ODAD2: variants seen among roughly 807,000 people sequenced by gnomAD.
ODAD2 encodes outer dynein arm-docking complex subunit 2.
Under a neutral mutation model 106.8 loss-of-function variants are expected in ODAD2, and 89 were observed. That is an observed-to-expected ratio of 0.83 (90% confidence interval 0.70 to 0.99). The LOEUF (loss-of-function observed/expected upper bound fraction) is 0.99. ODAD2 is among the 50% of genes least tolerant of loss of function. The pLI, the probability that ODAD2 is intolerant of heterozygous loss-of-function variation, is 0.00. For synonymous variants in ODAD2, 404 were observed against 436.2 expected, an observed-to-expected ratio of 0.93 and a Z score of 0.92; for missense variants, 1,168 against 1,238.5, an observed-to-expected ratio of 0.94 and a Z score of 0.85.
At chr10:27,918,930 A>T (rs1221621311) in intron 16 of ODAD2, among the ~76,000 whole-genome samples, 1 of 151,784 alleles carries the variant, frequency 6.6e-6, no homozygotes, top group Non-Finnish European at 1.5e-5. Flanking sequence ...CTGGAAAAAA[A>T]TTAAAAATAA....
At chr10:27,990,514 A>G (rs1323349962) in intron 2 of ODAD2, among the ~76,000 whole-genome samples, 1 of 152,220 alleles carries the variant, frequency 6.6e-6, no homozygotes, top group Non-Finnish European at 1.5e-5. Context: ...GTATGTCTAA[A>G]TAGTAACATA....
chr10:27,998,438 G>C (rs747916255), intron 1 of ODAD2, among the ~76,000 whole-genome samples: 2 of 151,986 alleles, frequency 1.3e-5, no homozygotes, highest in Non-Finnish European at 2.9e-5. Flanking sequence ...CGCTGGGAGC[G>C]GGAGGCAGAG....
At chr10:27,858,413 C>A (rs1839808000) in intron 19 of ODAD2, among the ~76,000 whole-genome samples, 1 of 152,102 alleles carries the variant, frequency 6.6e-6, no homozygotes, top group South Asian at 2.1e-4. Context: ...CAAAAAAGTA[C>A]CCTGTTCTTT....
intron 16 of ODAD2, among the ~76,000 whole-genome samples, chr10:27,934,488 T>C (rs1845824708): frequency 6.6e-6 from 1 of 151,074 alleles, no homozygotes; most frequent in South Asian, 2.1e-4. Context: ...TATATCTCTC[T>C]ATATGTATAT....
chr10:27,828,741 T>TCCACAG (rs1837255659), intron 19 of ODAD2, among the ~76,000 whole-genome samples: 3 of 152,192 alleles, frequency 2.0e-5, no homozygotes, highest in Non-Finnish European at 4.4e-5. Flanking sequence ...GTTTATAACT[T>TCCACAG]TACTCTAGGA....
intron 1 of ODAD2, among the ~76,000 whole-genome samples, chr10:27,998,082 T>G (rs6481497): frequency 0.44 from 67,386 of 151,938 alleles, 15,568 homozygotes; most frequent in African/African-American, 0.57. Context: ...ACCCATTCGG[T>G]AATCACATCG....
intron 10 of ODAD2, among the ~76,000 whole-genome samples, chr10:27,955,322 C>T (rs1183354991): frequency 6.6e-6 from 1 of 152,036 alleles, no homozygotes; most frequent in East Asian, 1.9e-4. Context: ...GGCAAGGGTT[C>T]CCTGTTGACT....
At chr10:27,830,569 T>C (rs1374374064) in intron 19 of ODAD2, among the ~76,000 whole-genome samples, 1 of 152,234 alleles carries the variant, frequency 6.6e-6, no homozygotes, top group Non-Finnish European at 1.5e-5. Flanking sequence ...GGCAATATCA[T>C]ACGTGCATTT....
chr10:27,960,313 C>CATT lies in ODAD2; in HGVS notation c.1386+1252_1386+1254dup, dbSNP rs72020123. Among the ~76,000 whole-genome samples the CATT allele has an allele frequency of 4.8e-3, 672 of 138,682 alleles. 4 individuals are homozygous for CATT. The highest frequency in any genetic ancestry group is 6.4e-3 in the African/African-American group (242 of 37,720). The allele number at this position is 138,682 out of a possible 152,430, so 91.0% of individuals were successfully genotyped here. On this transcript the variant is annotated intron_variant, in intron 10 of 19. Coordinates refer to ENST00000305242, the MANE Select transcript of ODAD2 (RefSeq NM_018076.5). Reference sequence around the variant, plus strand: ...GAAAATATTATTTATTTATTTATTTCATTATTATTATTATTATTATTATTA... The same window carrying CATT: ...GAAAATATTATTTATTTATTTATTTCATTATTATTATTATTATTATTATTATTA...
intron 12 of ODAD2, among the ~76,000 whole-genome samples, chr10:27,942,320 T>C (rs1446129208): frequency 6.6e-6 from 1 of 152,234 alleles, no homozygotes; most frequent in Non-Finnish European, 1.5e-5. Context: ...AATGTACGTA[T>C]AGGTCACAGT....
chr10:27,883,845 T>C (rs1036554133), intron 17 of ODAD2, among the ~76,000 whole-genome samples: 5 of 151,888 alleles, frequency 3.3e-5, no homozygotes, highest in East Asian at 1.9e-4. Context: ...TCAGTGAGCA[T>C]GATAGATGGG....
intron 17 of ODAD2, among the ~76,000 whole-genome samples, chr10:27,872,717 T>G (rs1383004090): frequency 1.3e-5 from 2 of 152,228 alleles, no homozygotes; most frequent in Non-Finnish European, 1.5e-5. Flanking sequence ...CACTTGATCA[T>G]AGTGGATAAG....
At position 27,843,842 on chromosome 10, in the gene ODAD2, A is replaced by C. The variant is rs140882012; in HGVS notation, c.3021+16783T>G. Among the ~76,000 whole-genome samples, 147 of 152,270 alleles carry C rather than the reference A, an allele frequency of 9.7e-4. 1 individual carries two copies. Among genetic ancestry groups the C allele is most frequent in the African/African-American group, 3.4e-3 (140 of 41,572 alleles). ...GTCTGAAGATGCAATATACATAAAGATTTGTTTTTTCAAAAAATCACAAAG... is the reference window on the plus strand; with the variant it reads ...GTCTGAAGATGCAATATACATAAAGCTTTGTTTTTTCAAAAAATCACAAAG... On this transcript the variant is annotated intron_variant, in intron 19 of 19. Coordinates refer to ENST00000305242, the MANE Select transcript of ODAD2 (RefSeq NM_018076.5).
chr10:27,885,638 AT>A (rs1313537738), intron 17 of ODAD2, among the ~76,000 whole-genome samples: 1 of 68,902 alleles, frequency 1.5e-5, no homozygotes, highest in Non-Finnish European at 2.5e-5. Flanking sequence ...TAAAATATAT[AT>A]TATATATATT....
At chr10:27,944,107 C>A (rs575254437) in intron 12 of ODAD2, 115 bp downstream of exon 12, 1 of 869,302 alleles carries the variant, frequency 1.2e-6, no homozygotes, top group Non-Finnish European at 1.8e-6. Flanking sequence ...ACAGAAGGCT[C>A]CTGGAACACG....
At chr10:27,834,743 T>C (rs1261325700) in intron 19 of ODAD2, among the ~76,000 whole-genome samples, 1 of 152,194 alleles carries the variant, frequency 6.6e-6, no homozygotes, top group Non-Finnish European at 1.5e-5. Flanking sequence ...CAGAGAAGGC[T>C]TGATTAGGGT....
At chr10:27,927,855 GTCTT>G (rs1160427233) in intron 16 of ODAD2, among the ~76,000 whole-genome samples, 1 of 151,882 alleles carries the variant, frequency 6.6e-6, no homozygotes, top group Non-Finnish European at 1.5e-5. Flanking sequence ...TTCTGTTTTT[GTCTT>G]TCTTTCTTCA....
At chr10:27,816,863 C>A (rs1426329751) in intron 19 of ODAD2, among the ~76,000 whole-genome samples, 1 of 152,188 alleles carries the variant, frequency 6.6e-6, no homozygotes, top group Non-Finnish European at 1.5e-5. Flanking sequence ...GATTCTCCTG[C>A]CTCAGCCTCC....
intron 19 of ODAD2, among the ~76,000 whole-genome samples, chr10:27,848,734 G>A (rs898467635): frequency 2.0e-5 from 3 of 152,086 alleles, no homozygotes; most frequent in Admixed American, 6.6e-5. Context: ...ATCAAAAAGT[G>A]GGCAAAGGAT....
Sources: gnomAD v4.1 joint callset for allele counts (sites outside exome capture counted in the v4.1 genomes callset) on GRCh38, gnomAD v4.1.1 for gene constraint, MANE v1.5 for transcripts, NCBI Gene and HGNC (gene_info 2026-07-23, HGNC 2026-07-21) for gene names.